Variants in MAML3 observed in about 807,000 individuals in gnomAD.
MAML3 encodes mastermind like transcriptional coactivator 3, also known as mastermind-like protein 3.
MAML3 carries 27 observed loss-of-function variants against 101.9 expected under a neutral mutation model. The ratio of observed to expected loss-of-function variants is 0.27; its 90% confidence interval spans 0.20 to 0.37. MAML3 has a LOEUF of 0.37. Ranked by LOEUF, MAML3 falls within the 10% of genes least tolerant of loss-of-function variation. The pLI is 1.00. For synonymous variants in MAML3, 501 were observed against 555.9 expected (o/e 0.90, Z 1.39); for missense variants, 1,316 against 1,444.9 (o/e 0.91, Z 1.45).
intron 1 of MAML3, among the ~76,000 whole-genome samples, chr4:140,139,168 G>A (rs1728943863): frequency 6.6e-6 from 1 of 152,104 alleles, no homozygotes; most frequent in Admixed American, 6.5e-5. Context: ...AGCTACTCAG[G>A]AGACTGAAGC....
At chr4:139,933,799 G>A (rs1159167504) in intron 1 of MAML3, among the ~76,000 whole-genome samples, 1 of 152,214 alleles carries the variant, frequency 6.6e-6, no homozygotes, top group African/African-American at 2.4e-5. Flanking sequence ...TCCGCTTCCT[G>A]AGGTCAGCCT....
intron 2 of MAML3, among the ~76,000 whole-genome samples, chr4:139,868,811 A>C (rs1394595609): frequency 2.0e-5 from 3 of 152,232 alleles, no homozygotes; most frequent in African/African-American, 7.2e-5. Context: ...ATTTCTCTCT[A>C]AAAATCAAAA....
intron 2 of MAML3, among the ~76,000 whole-genome samples, chr4:139,789,575 G>A (rs1730366424): frequency 6.6e-6 from 1 of 152,192 alleles, no homozygotes; most frequent in Non-Finnish European, 1.5e-5. Context: ...GGGAAGGCCT[G>A]GGTGGGGACA....
At chr4:140,103,544 T>G (rs1009106281) in intron 1 of MAML3, among the ~76,000 whole-genome samples, 1 of 152,222 alleles carries the variant, frequency 6.6e-6, no homozygotes, top group African/African-American at 2.4e-5. Flanking sequence ...GGTTCTTTTG[T>G]GCATTAGAAA....
intron 1 of MAML3, among the ~76,000 whole-genome samples, chr4:140,040,547 G>T (rs1727065008): frequency 6.6e-6 from 1 of 152,114 alleles, no homozygotes; most frequent in South Asian, 2.1e-4. Context: ...TAGCCCTTGG[G>T]CGCCACACTA....
At chr4:140,135,455 T>C (rs926945449) in intron 1 of MAML3, among the ~76,000 whole-genome samples, 1 of 152,256 alleles carries the variant, frequency 6.6e-6, no homozygotes, top group South Asian at 2.1e-4. Flanking sequence ...CCCTCTGTAA[T>C]GTAGCCACTG....
intron 1 of MAML3, among the ~76,000 whole-genome samples, chr4:140,037,645 T>C (rs1427896885): frequency 2.0e-5 from 3 of 152,242 alleles, no homozygotes; most frequent in Non-Finnish European, 1.5e-5. Flanking sequence ...AGCTAACTAG[T>C]GTTAGTTATA....
chr4:140,069,360 GAGA>G (rs1343566107), intron 1 of MAML3, among the ~76,000 whole-genome samples: 1,378 of 33,714 alleles, frequency 0.041, 56 homozygotes, highest in African/African-American at 0.074. Flanking sequence ...GAAGGAGAAG[GAGA>G]AGAAGAAGAA....
At chr4:139,966,585 A>T (rs974570662) in intron 1 of MAML3, among the ~76,000 whole-genome samples, 5 of 152,212 alleles carry the variant, frequency 3.3e-5, no homozygotes, top group African/African-American at 1.2e-4. Flanking sequence ...TCTTAGCCAC[A>T]GAAAAGCCTT....
At chr4:139,790,919 A>G (rs544853802) in intron 2 of MAML3, among the ~76,000 whole-genome samples, 1 of 152,226 alleles carries the variant, frequency 6.6e-6, no homozygotes, top group African/African-American at 2.4e-5. Flanking sequence ...AACATACAGA[A>G]ACCTGAAAAT....
At chr4:140,127,196 C>A (rs1436345749) in intron 1 of MAML3, among the ~76,000 whole-genome samples, 3 of 152,192 alleles carry the variant, frequency 2.0e-5, no homozygotes, top group African/African-American at 7.2e-5. Context: ...ACGTCCTGAG[C>A]TTTCTGTTTC....
intron 2 of MAML3, among the ~76,000 whole-genome samples, chr4:139,784,218 C>T (rs1730266461): frequency 6.6e-6 from 1 of 152,212 alleles, no homozygotes; most frequent in Non-Finnish European, 1.5e-5. Context: ...CAGCTGCCCG[C>T]AAGCCGACCT....
At chr4:139,804,244 A>C (rs1730665230) in intron 2 of MAML3, among the ~76,000 whole-genome samples, 1 of 150,934 alleles carries the variant, frequency 6.6e-6, no homozygotes, top group Non-Finnish European at 1.5e-5. Context: ...CATGATACAC[A>C]CATACACAAG....
At chr4:139,930,685 C>T (rs1172310200) in intron 1 of MAML3, among the ~76,000 whole-genome samples, 2 of 152,174 alleles carry the variant, frequency 1.3e-5, no homozygotes, top group African/African-American at 2.4e-5. Flanking sequence ...TCCCCTCAGT[C>T]ACCACTTTCC....
At chr4:140,044,142 T>C (rs777972765) in intron 1 of MAML3, among the ~76,000 whole-genome samples, 2 of 151,208 alleles carry the variant, frequency 1.3e-5, no homozygotes, top group African/African-American at 2.4e-5. Flanking sequence ...AAAAAAAGAT[T>C]GGTGTGTTCT....
At chr4:140,026,318 G>A (rs1347533612) in intron 1 of MAML3, among the ~76,000 whole-genome samples, 2 of 152,068 alleles carry the variant, frequency 1.3e-5, no homozygotes, top group African/African-American at 4.8e-5. Flanking sequence ...GCAGTGGCGT[G>A]ATCTTGGCTC....
At chr4:139,909,999 T>TA (rs201670133) in intron 1 of MAML3, among the ~76,000 whole-genome samples, 123 of 150,294 alleles carry the variant, frequency 8.2e-4, no homozygotes, top group South Asian at 2.1e-3. Flanking sequence ...AGCAAAGAGA[T>TA]AAAAAAAAAC....
intron 2 of MAML3, among the ~76,000 whole-genome samples, chr4:139,768,222 TTGTGTGTGTGTGTGTGTG>T (rs34182828): frequency 6.6e-5 from 9 of 136,344 alleles, no homozygotes; most frequent in Non-Finnish European, 9.4e-5. Flanking sequence ...CTGTTGATAG[TTGTGTGTGTGTGTGTGTG>T]TGTGTGTGTG....
rs551593989 is a variant in MAML3 at position 139,911,235 on chromosome 4, T to G, written c.469-20268A>C. Among the ~76,000 whole-genome samples the G allele has an allele frequency of 4.1e-4, 62 of 152,190 alleles. 1 individual carries two copies. The highest frequency in any genetic ancestry group is 6.8e-3 in the Middle Eastern group (2 of 294). ...ATGTCAGAATTTCCTTTTTTTTTTT[T>G]GCGATGGAGTCTTGCTCTGTTGCCC... On this transcript the variant is annotated intron_variant, in intron 1 of 4. Transcript: ENST00000509479.
Sources: gnomAD v4.1 joint callset for allele counts (sites outside exome capture counted in the v4.1 genomes callset) on GRCh38, gnomAD v4.1.1 for gene constraint, MANE v1.5 for transcripts, NCBI Gene and HGNC (gene_info 2026-07-23, HGNC 2026-07-21) for gene names.